Variants in CFAP77 observed in about 807,000 individuals in gnomAD.
The protein encoded by CFAP77 is cilia- and flagella-associated protein 77.
A neutral mutation model predicts 31.1 loss-of-function variants in CFAP77; 25 were observed. The observed-to-expected ratio is 0.80, with a 90% CI of 0.59 to 1.12. CFAP77 has a LOEUF of 1.12. Ranked by LOEUF, CFAP77 falls within the 50% of genes most tolerant of loss-of-function variation. The pLI is 0.00. For missense variants in CFAP77, 377 were observed against 397.3 expected, an observed-to-expected ratio of 0.95 and a Z score of 0.44; for synonymous variants, 151 against 159.9, an observed-to-expected ratio of 0.94 and a Z score of 0.42.
intron 3 of CFAP77, among the ~76,000 whole-genome samples, chr9:132,525,084 A>T (rs1852335179): frequency 6.8e-6 from 1 of 146,834 alleles, no homozygotes; most frequent in Non-Finnish European, 1.5e-5. Flanking sequence ...CAATGGCACA[A>T]TCTCAGCTCA....
At chr9:132,413,543 C>T (rs1013098493) in intron 1 of CFAP77, among the ~76,000 whole-genome samples, 2 of 152,164 alleles carry the variant, frequency 1.3e-5, no homozygotes, top group Non-Finnish European at 2.9e-5. Context: ...AGAGAAAGAA[C>T]CAAGCTTCTC....
intron 1 of CFAP77, among the ~76,000 whole-genome samples, chr9:132,471,687 T>TTTTG (rs1554740673): frequency 4.7e-5 from 7 of 148,704 alleles, no homozygotes; most frequent in Admixed American, 1.3e-4. Flanking sequence ...AGGGGGGTTG[T>TTTTG]TTTTGTTTTG....
chr9:132,497,347 C>T lies in CFAP77; in HGVS notation c.196-1348C>T, dbSNP rs1235071422. Among the ~76,000 whole-genome samples the T allele has an allele frequency of 6.6e-6, 1 of 152,232 alleles. No homozygotes were observed. Among genetic ancestry groups the T allele is most frequent in the East Asian group, 1.9e-4 (1 of 5,200 alleles). ...GGGATATAGACGAGATGGCAGGAGA[C>T]AGCGAGGCCAGAGCCCACCAGACCC... is the stretch of plus-strand genomic sequence containing the variant. On this transcript the variant is annotated intron_variant, in intron 1 of 5. Transcript: ENST00000393216. This position sits in a 1 kb window ranked among gnomAD's most constrained non-coding sequence, Gnocchi z 4.9.
Position 132,511,782 on chromosome 9 carries a change from G to A in CFAP77, c.524+12182G>A, listed in dbSNP as rs573625281. Among the ~76,000 whole-genome samples the A allele has an allele frequency of 3.6e-4, 55 of 152,272 alleles. No homozygotes were observed. The highest frequency in any genetic ancestry group is 4.6e-4 in the African/African-American group (19 of 41,552). ...AAAATAACAAAAATGAAGCGGCCGC[G>A]CGGCGGCTCACGCCTGTCATCCCAG... On this transcript the variant is annotated intron_variant, in intron 3 of 5. Coordinates refer to ENST00000393216, the MANE Select transcript of CFAP77 (RefSeq NM_001282957.2). This position sits in a 1 kb window ranked among gnomAD's most constrained non-coding sequence, Gnocchi z 5.8.
intron 3 of CFAP77, among the ~76,000 whole-genome samples, chr9:132,503,384 A>G (rs938121108): frequency 1.3e-5 from 2 of 152,190 alleles, no homozygotes; most frequent in South Asian, 4.1e-4. Context: ...CAAGTGTCAC[A>G]AAGACAGTGT....
At chr9:132,428,149 G>A (rs984498894) in intron 1 of CFAP77, among the ~76,000 whole-genome samples, 3 of 151,472 alleles carry the variant, frequency 2.0e-5, no homozygotes, top group Non-Finnish European at 2.9e-5. Context: ...AGGGGCATAT[G>A]CCATCATGCC....
intron 1 of CFAP77, among the ~76,000 whole-genome samples, chr9:132,422,588 A>C (rs569837298): frequency 6.6e-6 from 1 of 152,340 alleles, no homozygotes; most frequent in Non-Finnish European, 1.5e-5. Flanking sequence ...GACCCAAAGC[A>C]AGGAGGAACC....
At chr9:132,544,935 A>G (rs1204218564) in intron 5 of CFAP77, among the ~76,000 whole-genome samples, 1 of 151,954 alleles carries the variant, frequency 6.6e-6, no homozygotes, top group Non-Finnish European at 1.5e-5. Flanking sequence ...AGCCCCACTC[A>G]GCCCCCTCCT....
chr9:132,453,171 A>G (rs1344617922), intron 1 of CFAP77, among the ~76,000 whole-genome samples: 2 of 152,068 alleles, frequency 1.3e-5, no homozygotes, highest in Non-Finnish European at 2.9e-5. Flanking sequence ...TCTTCTGTAA[A>G]AGGAGGGGAG....
chr9:132,462,024 A>G (rs532699157), intron 1 of CFAP77, among the ~76,000 whole-genome samples: 2 of 152,284 alleles, frequency 1.3e-5, no homozygotes, highest in Middle Eastern at 3.4e-3. Context: ...ATATCTACCT[A>G]TTGAACATCT....
At chr9:132,514,723 C>T (rs1016428186) in intron 3 of CFAP77, among the ~76,000 whole-genome samples, 7 of 152,198 alleles carry the variant, frequency 4.6e-5, no homozygotes, top group African/African-American at 9.7e-5. Context: ...CCAAGCCTCC[C>T]GGCGTCATTA....
intron 5 of CFAP77, among the ~76,000 whole-genome samples, chr9:132,562,865 A>G (rs1829833985): frequency 6.6e-6 from 1 of 151,494 alleles, no homozygotes. Context: ...ACACCCAGCT[A>G]ATTTTTGTAT....
At chr9:132,520,683 G>A (rs894717077) in intron 3 of CFAP77, among the ~76,000 whole-genome samples, 20 of 152,196 alleles carry the variant, frequency 1.3e-4, no homozygotes, top group Non-Finnish European at 1.6e-4. Flanking sequence ...AGTCTCTCAT[G>A]TCCCTTCTCA....
intron 1 of CFAP77, among the ~76,000 whole-genome samples, chr9:132,437,716 T>A (rs903772493): frequency 7.9e-5 from 12 of 151,176 alleles, no homozygotes; most frequent in Non-Finnish European, 1.8e-4. Flanking sequence ...TTTCACCATG[T>A]TAGCCAGGAT....
At chr9:132,488,620 C>T (rs913921983) in intron 1 of CFAP77, among the ~76,000 whole-genome samples, 1 of 152,222 alleles carries the variant, frequency 6.6e-6, no homozygotes, top group Non-Finnish European at 1.5e-5. Flanking sequence ...TCCTGGGTCC[C>T]AGGTAGCTTC....
At chr9:132,553,783 C>A (rs1240234231) in intron 5 of CFAP77, among the ~76,000 whole-genome samples, 1 of 152,200 alleles carries the variant, frequency 6.6e-6, no homozygotes, top group Non-Finnish European at 1.5e-5. Flanking sequence ...CTACCTTTAT[C>A]CACATGCATG....
chr9:132,486,060 GTGTGTGTA>G (rs1851545958), intron 1 of CFAP77, among the ~76,000 whole-genome samples: 2 of 20,494 alleles, frequency 9.8e-5, no homozygotes, highest in Non-Finnish European at 1.4e-4. Flanking sequence ...ATGTATGTGT[GTGTGTGTA>G]TATATATATA....
Position 132,481,635 on chromosome 9 carries a change from C to T in CFAP77, c.196-17060C>T, listed in dbSNP as rs887382076. 1.7e-4 allele frequency among the ~76,000 whole-genome samples: 26 copies of T among 152,260 alleles called. No homozygotes were observed. The highest frequency in any genetic ancestry group is 5.8e-4 in the African/African-American group (24 of 41,562). Reference sequence around the variant, plus strand: ...AATCATAAAGCAACCCCAGAGGCTGCGAAGAGGAGGGGGTGGGAGGACCCT... The same window carrying T: ...AATCATAAAGCAACCCCAGAGGCTGTGAAGAGGAGGGGGTGGGAGGACCCT... On this transcript the variant is annotated intron_variant, in intron 1 of 5. Transcript: ENST00000393216. This position sits in a 1 kb window ranked among gnomAD's most constrained non-coding sequence, Gnocchi z 5.0.
At position 132,537,650 on chromosome 9, in the gene CFAP77, T is replaced by G. The variant is rs768848129; in HGVS notation, c.574T>G (p.Trp192Gly). 6.2e-7 allele frequency: 1 copy of G among 1,613,392 alleles called. No homozygotes were observed. Among genetic ancestry groups the G allele is most frequent in the Non-Finnish European group, 8.5e-7 (1 of 1,179,684 alleles). ...DLLQHRYLQLWVQEQKATQKA... is the reference protein window; with the variant it reads ...DLLQHRYLQLGVQEQKATQKA... ...GCTGCAGCACCGGTACCTGCAGCTG[T>G]GGGTACAGGAACAAAAGGCCACCCA... The change falls in exon 4 of 6, where the codon TGG (tryptophan) becomes GGG (glycine). Residue 192 changes from tryptophan (W) to glycine (G), a missense_variant. Coordinates refer to ENST00000393216, the MANE Select transcript of CFAP77 (RefSeq NM_001282957.2).
Sources: allele counts gnomAD v4.1 joint callset (sites outside exome capture counted in the v4.1 genomes callset), GRCh38; gene constraint gnomAD v4.1.1; non-coding constraint Gnocchi (gnomAD v3.1); transcripts MANE v1.5; gene names NCBI Gene and HGNC (gene_info 2026-07-23, HGNC 2026-07-21).